QTMAN: variants seen among roughly 807,000 people sequenced by gnomAD.
QTMAN encodes the protein queuosine-tRNA mannosyltransferase, also known as tRNA-queuosine alpha-mannosyltransferase.
chr2:144,172,716 T>C, the QTMAN span, among the ~76,000 whole-genome samples: 45 of 151,432 alleles, frequency 3.0e-4, 1 homozygote, highest in African/African-American at 1.0e-3. Flanking sequence ...AAAAACACAG[T>C]AGATAAAATT....
chr2:143,999,595 ATCCACCTG>A, the QTMAN span, among the ~76,000 whole-genome samples: 2 of 152,172 alleles, frequency 1.3e-5, no homozygotes, highest in East Asian at 1.9e-4. Context: ...CAATCCACCT[ATCCACCTG>A]TCCATCCATC....
chr2:144,117,910 C>A, the QTMAN span, among the ~76,000 whole-genome samples: 7,197 of 151,680 alleles, frequency 0.047, 557 homozygotes, highest in African/African-American at 0.16. Context: ...CAGTGGCGCC[C>A]TCTTGGCTCG....
the QTMAN span, among the ~76,000 whole-genome samples, chr2:144,260,717 A>G: frequency 6.6e-6 from 1 of 152,076 alleles, no homozygotes; most frequent in African/African-American, 2.4e-5. Flanking sequence ...AGATAATTAT[A>G]AACCATACAT....
At chr2:144,215,273 T>TACACACACACACACAC in the QTMAN span, among the ~76,000 whole-genome samples, 1 of 143,866 alleles carries the variant, frequency 7.0e-6, no homozygotes, top group East Asian at 2.0e-4. Flanking sequence ...TATATATATA[T>TACACACACACACACAC]ACACACACAC....
chr2:143,952,065 G>A, the QTMAN span: 1 of 1,594,098 alleles, frequency 6.3e-7, no homozygotes. Context: ...GTAGAATACA[G>A]ATATTCAGCT....
chr2:143,954,059 T>C, the QTMAN span, among the ~76,000 whole-genome samples: 3 of 151,998 alleles, frequency 2.0e-5, no homozygotes, highest in Non-Finnish European at 2.9e-5. Context: ...GCACAGGTTC[T>C]GGTTACCAAT....
chr2:143,976,035 A>G, the QTMAN span, among the ~76,000 whole-genome samples: 1 of 152,224 alleles, frequency 6.6e-6, no homozygotes, highest in South Asian at 2.1e-4. Flanking sequence ...TTCCATGTTA[A>G]GCACCTGATC....
chr2:144,117,938 T>C, the QTMAN span, among the ~76,000 whole-genome samples: 5 of 152,064 alleles, frequency 3.3e-5, no homozygotes, highest in African/African-American at 9.7e-5. Context: ...CTCCACCTCC[T>C]GGGTTCACAC....
At chr2:144,083,557 A>G in the QTMAN span, among the ~76,000 whole-genome samples, 1 of 152,210 alleles carries the variant, frequency 6.6e-6, no homozygotes, top group Non-Finnish European at 1.5e-5. Context: ...CAAAGCCTTA[A>G]TTTTCTCAGC....
At chr2:144,030,790 C>T in the QTMAN span, among the ~76,000 whole-genome samples, 4 of 152,112 alleles carry the variant, frequency 2.6e-5, no homozygotes, top group South Asian at 2.1e-4. Flanking sequence ...GGCTCTCTAT[C>T]GAGGGTGATT....
chr2:144,264,933 G>A, the QTMAN span, among the ~76,000 whole-genome samples: 1 of 152,198 alleles, frequency 6.6e-6, no homozygotes, highest in South Asian at 2.1e-4. Context: ...GGGTAAACTT[G>A]ACAGCTGTAT....
the QTMAN span, among the ~76,000 whole-genome samples, chr2:144,313,391 T>G: frequency 6.6e-6 from 1 of 152,206 alleles, no homozygotes; most frequent in Admixed American, 6.5e-5. Flanking sequence ...CATCATTCTA[T>G]TATCAAAAGT....
the QTMAN span, among the ~76,000 whole-genome samples, chr2:143,954,310 CTCTTA>C: frequency 2.0e-5 from 3 of 151,966 alleles, no homozygotes; most frequent in Admixed American, 2.0e-4. Flanking sequence ...TATGAACATT[CTCTTA>C]TAATTACATA....
At chr2:144,267,878 G>A in the QTMAN span, among the ~76,000 whole-genome samples, 1 of 152,164 alleles carries the variant, frequency 6.6e-6, no homozygotes, top group Non-Finnish European at 1.5e-5. Context: ...AACAACTGTA[G>A]TGCTATGGAC....
the QTMAN span, among the ~76,000 whole-genome samples, chr2:144,030,842 G>A: frequency 2.6e-5 from 4 of 152,112 alleles, no homozygotes; most frequent in East Asian, 1.9e-4. Flanking sequence ...TCAGACCTGC[G>A]GAGGGAGGCA....
At chr2:144,153,802 T>A in the QTMAN span, among the ~76,000 whole-genome samples, 1 of 152,212 alleles carries the variant, frequency 6.6e-6, no homozygotes, top group Non-Finnish European at 1.5e-5. Context: ...GTAATGTTGA[T>A]GGTAATATTT....
the QTMAN span, among the ~76,000 whole-genome samples, chr2:144,022,036 G>T: frequency 6.6e-6 from 1 of 151,890 alleles, no homozygotes; most frequent in Non-Finnish European, 1.5e-5. Flanking sequence ...GGGCAGGGGG[G>T]TAGGGAGGAC....
chr2:144,146,052 G>T, the QTMAN span: 1 of 141,226 alleles, frequency 7.1e-6, no homozygotes, highest in Non-Finnish European at 1.3e-5. Flanking sequence ...GGCAAGAAAA[G>T]CTCTATCTGA....
chr2:144,201,250 T>G, the QTMAN span, among the ~76,000 whole-genome samples: 1 of 152,104 alleles, frequency 6.6e-6, no homozygotes, highest in Non-Finnish European at 1.5e-5. Flanking sequence ...GAGAAAGCCA[T>G]GAAGAACAAG....
Sources: gnomAD v4.1 joint callset for allele counts (sites outside exome capture counted in the v4.1 genomes callset) on GRCh38, gnomAD v4.1.1 for gene constraint, MANE v1.5 for transcripts, NCBI Gene and HGNC (gene_info 2026-07-23, HGNC 2026-07-21) for gene names.